Variants in KLHDC10 observed in about 807,000 individuals in gnomAD.
The protein encoded by KLHDC10 is kelch domain-containing protein 10.
Under a neutral mutation model 56.1 loss-of-function variants are expected in KLHDC10, and 24 were observed. The ratio of observed to expected loss-of-function variants is 0.43; its 90% CI spans 0.31 to 0.60. The LOEUF is 0.60. KLHDC10 is among the 20% of genes least tolerant of loss of function. The pLI is 0.11. For missense variants in KLHDC10, 349 were observed against 567.0 expected (o/e 0.62, Z 3.91); for synonymous variants, 188 against 207.1 (o/e 0.91, Z 0.79).
At chr7:130,103,426 A>C (rs1230049525) in intron 2 of KLHDC10, among the ~76,000 whole-genome samples, 2 of 151,904 alleles carry the variant, frequency 1.3e-5, no homozygotes, top group African/African-American at 2.4e-5. Flanking sequence ...CTCAAAAAAA[A>C]AAAAAAAAAA....
chr7:130,126,632 C>T (rs1371225265), intron 7 of KLHDC10, among the ~76,000 whole-genome samples: 5 of 151,704 alleles, frequency 3.3e-5, no homozygotes, highest in East Asian at 1.9e-4. Flanking sequence ...GCCAAGATCA[C>T]GCCACGGCAC....
chr7:130,107,315 T>A (rs1025003477), intron 2 of KLHDC10, among the ~76,000 whole-genome samples: 1 of 152,182 alleles, frequency 6.6e-6, no homozygotes, highest in Non-Finnish European at 1.5e-5. Context: ...AAAGTTGGCA[T>A]TAATAACAGA....
In KLHDC10 at chr7:130,130,454, T is replaced by C. The variant is rs899043008; in HGVS notation, c.1120-83T>C. ...CTTGTTTCATTTCATTTTGATTCCA[T>C]CTACTATGCTTTTTCCCCACTGAGT... On this transcript the variant is annotated intron_variant, in intron 9 of 9. Transcript: ENST00000335420. The surrounding 1 kb of genome is among the most constrained non-coding windows in gnomAD (Gnocchi z 4.2). 7 of 1,042,492 alleles carry C rather than the reference T, an allele frequency of 6.7e-6. No individual in the cohort carries two copies. The highest frequency in any genetic ancestry group is 4.7e-5 in the African/African-American group (3 of 63,838). 64.6% of individuals were successfully genotyped at this position (1,042,492 alleles called of 1,614,324 possible). A position where few individuals can be genotyped will look rare whatever the true frequency, so the allele number is the denominator to read the frequency against.
chr7:130,108,236 GA>G (rs1172691208), intron 2 of KLHDC10, among the ~76,000 whole-genome samples: 2 of 149,932 alleles, frequency 1.3e-5, no homozygotes, highest in East Asian at 2.0e-4. Flanking sequence ...CAAAAAAAAA[GA>G]AAAAAGAAAC....
chr7:130,073,486 G>C (rs1795452573), intron 1 of KLHDC10, among the ~76,000 whole-genome samples: 1 of 151,606 alleles, frequency 6.6e-6, no homozygotes, highest in Admixed American at 6.6e-5. Flanking sequence ...GGTAGAGATG[G>C]GTTTTTGCCA....
chr7:130,129,412 T>C (rs774825386), intron 8 of KLHDC10, 25 bp from the exon 9 acceptor site: 2 of 1,612,294 alleles, frequency 1.2e-6, no homozygotes, highest in Non-Finnish European at 1.7e-6. Flanking sequence ...CTTTGTGTGA[T>C]CTTGGCTTTC....
chr7:130,119,537 T>TTA (rs769118586), intron 3 of KLHDC10, among the ~76,000 whole-genome samples: 11 of 100,388 alleles, frequency 1.1e-4, no homozygotes, highest in Admixed American at 6.4e-4. Flanking sequence ...AAAAAAGAGT[T>TTA]AAAAAAAAAA....
intron 1 of KLHDC10, among the ~76,000 whole-genome samples, chr7:130,071,978 C>T (rs1795419679): frequency 1.3e-5 from 2 of 152,096 alleles, no homozygotes; most frequent in Non-Finnish European, 2.9e-5. Flanking sequence ...ATGTACATTA[C>T]CCCATTTATA....
intron 7 of KLHDC10, among the ~76,000 whole-genome samples, chr7:130,126,407 G>A (rs1796316573): frequency 6.6e-6 from 1 of 152,188 alleles, no homozygotes; most frequent in Admixed American, 6.5e-5. Context: ...TGGGCGTGGT[G>A]GCTCATGCCT....
At chr7:130,077,844 C>T (rs559115670) in intron 1 of KLHDC10, among the ~76,000 whole-genome samples, 5 of 151,974 alleles carry the variant, frequency 3.3e-5, no homozygotes, top group South Asian at 2.1e-4. Context: ...CGAGAGCCAC[C>T]GCGCCCGGCC....
chr7:130,124,350 CTT>C, intron 5 of KLHDC10, 99 bp from the exon 6 acceptor site: 1 of 682,962 alleles, frequency 1.5e-6, no homozygotes, highest in Non-Finnish European at 2.6e-6. Flanking sequence ...TTTCCAATAA[CTT>C]ATTGTTATAA....
intron 1 of KLHDC10, among the ~76,000 whole-genome samples, chr7:130,074,069 CA>C (rs1424254986): frequency 2.6e-5 from 4 of 152,284 alleles, no homozygotes; most frequent in African/African-American, 9.6e-5. Context: ...AACATGGCCT[CA>C]AAGGCACTGT....
intron 1 of KLHDC10, among the ~76,000 whole-genome samples, chr7:130,085,362 A>G (rs1237553419): frequency 6.6e-6 from 1 of 151,870 alleles, no homozygotes; most frequent in Non-Finnish European, 1.5e-5. Context: ...AATATTTTTA[A>G]AAATTGGGCA....
intron 2 of KLHDC10, among the ~76,000 whole-genome samples, chr7:130,108,035 A>T (rs1352573570): frequency 6.8e-6 from 1 of 146,286 alleles, no homozygotes; most frequent in Non-Finnish European, 1.5e-5. Flanking sequence ...AAAACAAAAA[A>T]CCCTTCCCCG....
chr7:130,086,293 A>T (rs574373938), intron 1 of KLHDC10, among the ~76,000 whole-genome samples: 12 of 152,332 alleles, frequency 7.9e-5, no homozygotes, highest in African/African-American at 2.6e-4. Context: ...TGTAGAACAC[A>T]TAAAGGTTAC....
intron 1 of KLHDC10, among the ~76,000 whole-genome samples, chr7:130,074,793 T>C (rs1437713172): frequency 3.3e-5 from 5 of 152,078 alleles, no homozygotes; most frequent in African/African-American, 1.2e-4. Context: ...GTATTTTTAG[T>C]AGAGACGGGG....
At chr7:130,079,173 T>C (rs559610052) in intron 1 of KLHDC10, among the ~76,000 whole-genome samples, 145 of 152,102 alleles carry the variant, frequency 9.5e-4, no homozygotes, top group South Asian at 8.3e-4. Context: ...TTCTCCTGGC[T>C]CAGCCTCCCG....
chr7:130,125,082 T>C (rs1796297154), intron 6 of KLHDC10, among the ~76,000 whole-genome samples: 1 of 152,218 alleles, frequency 6.6e-6, no homozygotes. Flanking sequence ...TTGTCAAAAC[T>C]GAATTCCCAC....
At chr7:130,108,670 C>G (rs1037779235) in intron 2 of KLHDC10, among the ~76,000 whole-genome samples, 4 of 145,722 alleles carry the variant, frequency 2.7e-5, no homozygotes, top group African/African-American at 1.0e-4. Flanking sequence ...TGCAATGAGC[C>G]AAGATTGAGT....
Sources: allele counts gnomAD v4.1 joint callset (sites outside exome capture counted in the v4.1 genomes callset), GRCh38; gene constraint gnomAD v4.1.1; non-coding constraint Gnocchi (gnomAD v3.1); transcripts MANE v1.5; gene names NCBI Gene and HGNC (gene_info 2026-07-23, HGNC 2026-07-21).